FNDC3A: variants seen among roughly 807,000 people sequenced by gnomAD.
FNDC3A encodes fibronectin type III domain containing 3A, also known as fibronectin type-III domain-containing protein 3A.
Under a neutral mutation model 148.9 loss-of-function variants are expected in FNDC3A, and 32 were observed. The ratio of observed to expected loss-of-function variants is 0.21; its 90% CI spans 0.16 to 0.29. FNDC3A has a LOEUF of 0.29. Among genes scored for constraint, FNDC3A ranks in the 10% least tolerant of loss-of-function variants. FNDC3A has a pLI of 1.00. For synonymous variants in FNDC3A, 472 were observed against 473.6 expected (o/e 1.00, Z 0.04); for missense variants, 1,191 against 1,452.8 (o/e 0.82, Z 2.93).
At chr13:49,084,650 A>G (rs140593863) in intron 3 of FNDC3A, among the ~76,000 whole-genome samples, 1 of 152,130 alleles carries the variant, frequency 6.6e-6, no homozygotes, top group African/African-American at 2.4e-5. Flanking sequence ...TTGTTTTCTC[A>G]TACCTCACGC....
intron 2 of FNDC3A, among the ~76,000 whole-genome samples, chr13:49,048,776 A>C (rs760963027): frequency 5.9e-5 from 9 of 152,206 alleles, no homozygotes; most frequent in Admixed American, 3.3e-4. Flanking sequence ...CAACATTTTG[A>C]CTTCCTCTTC....
intron 11 of FNDC3A, among the ~76,000 whole-genome samples, chr13:49,173,983 T>A (rs1332700734): frequency 6.6e-6 from 1 of 152,176 alleles, no homozygotes; most frequent in African/African-American, 2.4e-5. Context: ...AAAGTTTTAT[T>A]TTAAAGAAGT....
chr13:49,025,530 A>G lies in FNDC3A; in HGVS notation c.99+19241A>G, dbSNP rs529625950. 2.0e-5 allele frequency among the ~76,000 whole-genome samples: 3 copies of G among 152,242 alleles called. No individual in the cohort carries two copies. The South Asian group carries it at 6.2e-4, about 32-fold the overall frequency. On this transcript the variant is annotated intron_variant, in intron 2 of 25. Transcript: ENST00000492622. ...ACCACTTAATAGCCTATATACCTAT[A>G]TAATACAGAAACTGGCATTTACAGC...
chr13:49,136,506 T>A lies in FNDC3A; in HGVS notation c.665T>A (p.Ile222Lys), dbSNP rs199780475. The change falls in exon 6 of 26, where the codon ATA (isoleucine) becomes AAA (lysine). Residue 222 changes from isoleucine to lysine, a missense_variant. Physicochemically the swap from Ile to Lys is moderately radical, Grantham distance 102 (BLOSUM62 -3). Transcript: ENST00000492622. ...CCCATTAATGAACATAATGGACTTATAAAAGGACAAATTGCTGGTGGTATA... is the reference window on the plus strand; with the variant it reads ...CCCATTAATGAACATAATGGACTTAAAAAAGGACAAATTGCTGGTGGTATA... The part of the protein sequence containing the change: ...PSPINEHNGL[I>K]KGQIAGGINT... The A allele has an allele frequency of 1.9e-6, 3 of 1,613,894 alleles. No individual in the cohort carries two copies. The highest frequency in any genetic ancestry group is 2.5e-6 in the Non-Finnish European group (3 of 1,179,934).
chr13:49,150,726 C>A (rs956288151), intron 8 of FNDC3A, among the ~76,000 whole-genome samples: 2 of 152,178 alleles, frequency 1.3e-5, no homozygotes, highest in South Asian at 4.1e-4. Context: ...GTGGGCAGAT[C>A]ACGATGGCAA....
At chr13:49,009,873 A>T (rs1299290541) in intron 2 of FNDC3A, among the ~76,000 whole-genome samples, 1 of 152,218 alleles carries the variant, frequency 6.6e-6, no homozygotes, top group Non-Finnish European at 1.5e-5. Flanking sequence ...TAGCCTGCCT[A>T]TTATACAGTC....
At chr13:49,137,084 C>G (rs1334803806) in intron 6 of FNDC3A, among the ~76,000 whole-genome samples, 1 of 151,632 alleles carries the variant, frequency 6.6e-6, no homozygotes, top group Non-Finnish European at 1.5e-5. Flanking sequence ...ATCTTGGCCT[C>G]TCAAAGTGCT....
intron 4 of FNDC3A, among the ~76,000 whole-genome samples, chr13:49,123,155 GA>G (rs776734917): frequency 3.9e-5 from 6 of 152,130 alleles, no homozygotes; most frequent in Middle Eastern, 6.8e-3. Flanking sequence ...CAGATATATA[GA>G]CCAGTGGAAC....
chr13:49,030,447 AAGATG>A (rs1410476686), intron 2 of FNDC3A, among the ~76,000 whole-genome samples: 2 of 152,190 alleles, frequency 1.3e-5, no homozygotes, highest in Non-Finnish European at 2.9e-5. Flanking sequence ...CTTTTCCTCT[AAGATG>A]AGAAACAAGA....
At chr13:49,022,572 G>T (rs1474300743) in intron 2 of FNDC3A, among the ~76,000 whole-genome samples, 1 of 152,136 alleles carries the variant, frequency 6.6e-6, no homozygotes, top group Non-Finnish European at 1.5e-5. Context: ...CCTTAGGAAT[G>T]AGGCTACTGA....
chr13:49,181,784 A>C (rs1038318703), intron 14 of FNDC3A, among the ~76,000 whole-genome samples: 4 of 152,210 alleles, frequency 2.6e-5, no homozygotes, highest in African/African-American at 9.6e-5. Context: ...AGTAATGACT[A>C]AGTAGCATAT....
chr13:49,068,816 A>G (rs1566229249), intron 2 of FNDC3A, among the ~76,000 whole-genome samples: 1 of 152,230 alleles, frequency 6.6e-6, no homozygotes, highest in Non-Finnish European at 1.5e-5. Context: ...GAAAACAAAT[A>G]CAACATGTTC....
chr13:49,120,611 A>G (rs1881272004), intron 4 of FNDC3A, among the ~76,000 whole-genome samples: 2 of 152,236 alleles, frequency 1.3e-5, no homozygotes, highest in South Asian at 4.1e-4. Context: ...ACATGCAGAG[A>G]CATACATAGG....
chr13:49,189,578 G>A (rs1400843609), intron 17 of FNDC3A, among the ~76,000 whole-genome samples: 1 of 151,692 alleles, frequency 6.6e-6, no homozygotes, highest in Non-Finnish European at 1.5e-5. Flanking sequence ...TTAATGCAAT[G>A]AAAGTATTCT....
chr13:49,091,517 A>G (rs1410130192), intron 3 of FNDC3A, among the ~76,000 whole-genome samples: 5 of 152,224 alleles, frequency 3.3e-5, no homozygotes, highest in African/African-American at 9.6e-5. Flanking sequence ...TGCAGAGTAC[A>G]CAACCAGTTG....
chr13:49,012,561 C>G (rs1020610650), intron 2 of FNDC3A, among the ~76,000 whole-genome samples: 2 of 152,004 alleles, frequency 1.3e-5, no homozygotes, highest in Non-Finnish European at 2.9e-5. Flanking sequence ...CACACACACA[C>G]ATGCACACAC....
intron 3 of FNDC3A, among the ~76,000 whole-genome samples, chr13:49,089,629 T>C (rs1281166495): frequency 6.6e-6 from 1 of 152,204 alleles, no homozygotes; most frequent in African/African-American, 2.4e-5. Flanking sequence ...GGTCCCTGGC[T>C]ACCCACCAGA....
At chr13:49,120,941 C>T (rs1566263736) in intron 4 of FNDC3A, among the ~76,000 whole-genome samples, 1 of 152,078 alleles carries the variant, frequency 6.6e-6, no homozygotes, top group South Asian at 2.1e-4. Context: ...ATCAATGAGA[C>T]AGAAAATTAA....
chr13:49,051,009 A>G (rs1429379461), intron 2 of FNDC3A, among the ~76,000 whole-genome samples: 1 of 152,104 alleles, frequency 6.6e-6, no homozygotes, highest in African/African-American at 2.4e-5. Context: ...TGTCTTTTTC[A>G]GCCCCTTTAC....
Sources: gnomAD v4.1 joint callset for allele counts (sites outside exome capture counted in the v4.1 genomes callset) on GRCh38, gnomAD v4.1.1 for gene constraint, MANE v1.5 for transcripts, NCBI Gene and HGNC (gene_info 2026-07-23, HGNC 2026-07-21) for gene names.